TAFA4: variants seen among roughly 807,000 people sequenced by gnomAD.
TAFA4 encodes the protein chemokine-like protein TAFA-4.
A neutral mutation model predicts 21.1 loss-of-function variants in TAFA4; 20 were observed. The observed-to-expected ratio is 0.95, with a 90% CI of 0.67 to 1.38. The LOEUF (loss-of-function observed/expected upper bound fraction) is 1.38, where lower values mean the gene tolerates loss of function less well. TAFA4 is among the 40% of genes most tolerant of loss of function. TAFA4 has a pLI of 0.00. For synonymous variants in TAFA4, 71 were observed against 67.4 expected (o/e 1.05, Z -0.26); for missense variants, 211 against 180.9 (o/e 1.17, Z -0.95).
At chr3:68,915,387 T>G (rs1337774066) in intron 1 of TAFA4, among the ~76,000 whole-genome samples, 1 of 152,230 alleles carries the variant, frequency 6.6e-6, no homozygotes, top group African/African-American at 2.4e-5. Flanking sequence ...TCTGGAATTT[T>G]TACTGTGCTC....
intron 3 of TAFA4, among the ~76,000 whole-genome samples, chr3:68,771,916 T>C (rs1486937738): frequency 2.0e-5 from 3 of 152,186 alleles, no homozygotes; most frequent in South Asian, 4.1e-4. Context: ...ACCAAGAGAA[T>C]TGCTTCTTCA....
intron 1 of TAFA4, among the ~76,000 whole-genome samples, chr3:68,925,157 T>C (rs1005034498): frequency 3.9e-5 from 6 of 152,152 alleles, no homozygotes; most frequent in African/African-American, 1.4e-4. Context: ...ACTGAGCCCA[T>C]GGTAACCAAT....
chr3:68,763,635 C>T (rs949026397), intron 3 of TAFA4, among the ~76,000 whole-genome samples: 1 of 152,122 alleles, frequency 6.6e-6, no homozygotes, highest in Non-Finnish European at 1.5e-5. Flanking sequence ...CTCATCACTT[C>T]TAATAAGTCT....
intron 1 of TAFA4, among the ~76,000 whole-genome samples, chr3:68,915,645 G>C (rs908565345): frequency 6.6e-6 from 1 of 152,164 alleles, no homozygotes; most frequent in Non-Finnish European, 1.5e-5. Context: ...ATCATGGTGG[G>C]TATTTGACAA....
intron 3 of TAFA4, among the ~76,000 whole-genome samples, chr3:68,761,666 T>G (rs1053997096): frequency 6.6e-6 from 1 of 152,238 alleles, no homozygotes; most frequent in African/African-American, 2.4e-5. Context: ...CTGGATATTT[T>G]GAGCTTATAA....
chr3:68,888,808 T>C (rs1370278448), intron 1 of TAFA4, among the ~76,000 whole-genome samples: 1 of 151,954 alleles, frequency 6.6e-6, no homozygotes, highest in African/African-American at 2.4e-5. Context: ...GCCCTCGAGA[T>C]AATGACATTA....
chr3:68,792,089 C>T (rs569899825), intron 3 of TAFA4, among the ~76,000 whole-genome samples: 6 of 152,246 alleles, frequency 3.9e-5, no homozygotes, highest in Admixed American at 2.0e-4. Flanking sequence ...AATTATTAAA[C>T]AATCTAATTG....
chr3:68,932,446 GC>G lies in TAFA4; in HGVS notation c.-330del, dbSNP rs1193337122. On this transcript the variant is annotated 5_prime_UTR_variant, in exon 1 of 6. Coordinates refer to ENST00000295569, the MANE Select transcript of TAFA4 (RefSeq NM_182522.5). ...GCTCCTGCGGGAGAAGCCTGAAGCT[GC>G]TGCTGGAGAAGCGGCAGCTGAGGCA... 2 of 152,368 alleles carry G rather than the reference GC, an allele frequency of 1.3e-5. No homozygotes were observed. Among genetic ancestry groups the G allele is most frequent in the African/African-American group, 4.8e-5 (2 of 41,482 alleles). The allele number at this position is 152,368 out of a possible 1,614,324, so 9.4% of individuals were successfully genotyped here.
chr3:68,894,175 T>G (rs1361913595), intron 1 of TAFA4, among the ~76,000 whole-genome samples: 1 of 150,766 alleles, frequency 6.6e-6, no homozygotes, highest in Non-Finnish European at 1.5e-5. Context: ...TTTTTTTTTT[T>G]GGAGACAGAG....
chr3:68,758,873 A>C (rs973010387), intron 3 of TAFA4, among the ~76,000 whole-genome samples: 4 of 152,200 alleles, frequency 2.6e-5, no homozygotes, highest in Admixed American at 6.5e-5. Flanking sequence ...AATAGGACCA[A>C]CTGGATGTAT....
chr3:68,744,015 G>A (rs896221875), intron 4 of TAFA4, among the ~76,000 whole-genome samples: 1 of 152,144 alleles, frequency 6.6e-6, no homozygotes, highest in Admixed American at 6.5e-5. Context: ...ACCATCTGCA[G>A]GACTAGAAAA....
At chr3:68,927,224 G>A (rs1259069658) in intron 1 of TAFA4, among the ~76,000 whole-genome samples, 1 of 152,180 alleles carries the variant, frequency 6.6e-6, no homozygotes, top group African/African-American at 2.4e-5. Context: ...TAGGCCCAAT[G>A]ATTCCCAGGT....
chr3:68,758,569 C>T (rs1702702816), intron 3 of TAFA4, among the ~76,000 whole-genome samples: 2 of 152,184 alleles, frequency 1.3e-5, no homozygotes, highest in Admixed American at 1.3e-4. Context: ...AACTGTGAGT[C>T]CATTAAACCT....
intron 3 of TAFA4, among the ~76,000 whole-genome samples, chr3:68,773,462 C>T (rs1468525260): frequency 4.6e-5 from 7 of 152,172 alleles, no homozygotes; most frequent in African/African-American, 1.7e-4. Flanking sequence ...GATTTCAATA[C>T]TTAGGCATGA....
At chr3:68,928,171 G>T (rs1473953297) in intron 1 of TAFA4, among the ~76,000 whole-genome samples, 1 of 152,106 alleles carries the variant, frequency 6.6e-6, no homozygotes, top group Non-Finnish European at 1.5e-5. Flanking sequence ...GACTAAAAAA[G>T]ATTCAATGTT....
chr3:68,775,033 G>A (rs1033426862), intron 3 of TAFA4, among the ~76,000 whole-genome samples: 1 of 152,196 alleles, frequency 6.6e-6, no homozygotes, highest in Non-Finnish European at 1.5e-5. Context: ...AACAAAGAAT[G>A]AGTGAAGTAA....
At chr3:68,883,383 C>T (rs2089638531) in intron 2 of TAFA4, among the ~76,000 whole-genome samples, 1 of 152,188 alleles carries the variant, frequency 6.6e-6, no homozygotes, top group Non-Finnish European at 1.5e-5. Flanking sequence ...CCTTTTAGGG[C>T]TTATCTGATT....
chr3:68,853,783 C>A (rs1485133687), intron 3 of TAFA4, among the ~76,000 whole-genome samples: 1 of 152,158 alleles, frequency 6.6e-6, no homozygotes, highest in Non-Finnish European at 1.5e-5. Context: ...CCTCCACTTA[C>A]TATCTGTGTG....
chr3:68,836,339 A>C (rs1704522783), intron 3 of TAFA4, among the ~76,000 whole-genome samples: 1 of 152,224 alleles, frequency 6.6e-6, no homozygotes. Context: ...GCTCAAAATT[A>C]ACAGGGGATA....
Sources: allele counts gnomAD v4.1 joint callset (sites outside exome capture counted in the v4.1 genomes callset), GRCh38; gene constraint gnomAD v4.1.1; transcripts MANE v1.5; gene names NCBI Gene and HGNC (gene_info 2026-07-23, HGNC 2026-07-21).